The following NOTCH4 variants were observed in gnomAD, a reference collection of about 807,000 sequenced individuals.
The protein encoded by NOTCH4 is neurogenic locus notch homolog protein 4.
NOTCH4 carries 138 observed loss-of-function variants against 189.0 expected under a neutral mutation model. The observed-to-expected ratio is 0.73, with a 90% CI of 0.64 to 0.84. The LOEUF (loss-of-function observed/expected upper bound fraction) is 0.84, where lower values mean the gene tolerates loss of function less well. NOTCH4 is among the 40% of genes least tolerant of loss of function. The probability of loss-of-function intolerance (pLI) is 0.00; values close to 1 mark genes in which losing one functional copy is unlikely to be tolerated. For synonymous variants in NOTCH4, 942 were observed against 1,032.8 expected, an observed-to-expected ratio of 0.91 and a Z score of 1.69; for missense variants, 2,286 against 2,605.4, an observed-to-expected ratio of 0.88 and a Z score of 2.67.
At position 32,214,153 on chromosome 6, in the gene NOTCH4, G is replaced by A; in HGVS notation, c.2124C>T (p.Pro708=). ...APCAHGGTCY[P]QPSGYNCTCP... is the part of the protein sequence containing the mutation. The stretch of plus-strand genomic sequence containing the variant: ...AGGTGCAGTTGTAGCCAGAGGGCTG[G>A]GGGTAGCAGGTCCCCCCATGGGCAC... The change falls in exon 13 of 30, where the codon CCC becomes CCT. Residue 708 remains proline (P), a synonymous_variant. Coordinates refer to ENST00000375023, the MANE Select transcript of NOTCH4 (RefSeq NM_004557.4). The A allele has an allele frequency of 3.7e-6, 6 of 1,613,528 alleles. No homozygotes were observed. The highest frequency in any genetic ancestry group is 1.7e-5 in the Admixed American group (1 of 59,972).
chr6:32,222,217 A>G (rs1789822625), intron 3 of NOTCH4, among the ~76,000 whole-genome samples: 1 of 151,298 alleles, frequency 6.6e-6, no homozygotes, highest in African/African-American at 2.4e-5. Flanking sequence ...ACCCTCTTCT[A>G]GCTGCTAGGC....
At position 32,223,106 on chromosome 6, in the gene NOTCH4, C is replaced by T. The variant is rs374636775; in HGVS notation, c.74-20G>A. 24 of 1,600,292 alleles carry T rather than the reference C, an allele frequency of 1.5e-5. No homozygotes were observed. The highest frequency in any genetic ancestry group is 8.3e-5 in the Admixed American group (5 of 59,980). Reference sequence around the variant, plus strand: ...GCAGCCCTGAGGGTGGAGAGGCAGGCGCAATGGAAGCCCTGGGTGCTGTGC... The same window carrying T: ...GCAGCCCTGAGGGTGGAGAGGCAGGTGCAATGGAAGCCCTGGGTGCTGTGC... On this transcript the variant is annotated intron_variant, in intron 1 of 29. Transcript: ENST00000375023.
At chr6:32,196,870 C>G in intron 28 of NOTCH4, 55 bp downstream of exon 28, 1 of 1,599,962 alleles carries the variant, frequency 6.3e-7, no homozygotes, top group Non-Finnish European at 8.5e-7. Flanking sequence ...CACGCTATCT[C>G]CCACCCCATC....
chr6:32,212,491 T>A lies in NOTCH4; in HGVS notation c.2663A>T (p.Lys888Met). ...LCNLPLSSCQ[K>M]AALSQGIDVS... is the part of the protein sequence containing the mutation. ...TTGGTTACCTTGGCTCAGTGCAGCC[T>A]TCTGGCAGGAGGACAGTGGAAGGTT... The change falls in exon 17 of 30, where the codon AAG becomes ATG. Residue 888 changes from lysine (K) to methionine (M), a missense_variant. By Grantham distance (95) the Lys-to-Met change is moderately conservative. Transcript: ENST00000375023. This position sits in a 1 kb window ranked among gnomAD's most constrained non-coding sequence, Gnocchi z 4.4. 1 of 1,612,054 alleles carries A rather than the reference T, an allele frequency of 6.2e-7. No homozygotes were observed. Among genetic ancestry groups the A allele is most frequent in the Middle Eastern group, 1.7e-4 (1 of 6,054 alleles).
chr6:32,199,329 A>G lies in NOTCH4; in HGVS notation c.4316-184T>C, dbSNP rs1308240489. Among the ~76,000 whole-genome samples, 1 of 152,168 alleles carries G rather than the reference A, an allele frequency of 6.6e-6. No individual in the cohort carries two copies. The highest frequency in any genetic ancestry group is 1.5e-5 in the Non-Finnish European group (1 of 68,018). Reference sequence around the variant, plus strand: ...TGCCTGTAATCCCAGCACTTTGGGAAGCTGAGGCAGGTGGATCATATGAGG... The same window carrying G: ...TGCCTGTAATCCCAGCACTTTGGGAGGCTGAGGCAGGTGGATCATATGAGG... On this transcript the variant is annotated intron_variant, in intron 23 of 29. Coordinates refer to ENST00000375023, the MANE Select transcript of NOTCH4 (RefSeq NM_004557.4). The surrounding 1 kb of genome is among the most constrained non-coding windows in gnomAD (Gnocchi z 4.9).
chr6:32,213,018 G>T lies in NOTCH4; in HGVS notation c.2439-107C>A, dbSNP rs546317750. On this transcript the variant is annotated intron_variant, in intron 15 of 29. Coordinates refer to ENST00000375023, the MANE Select transcript of NOTCH4 (RefSeq NM_004557.4). ...ACCACAGGGAGGTGGCAAGCCAGGAGGGAAGGCGGAACGAGGTGTGGGGTG... is the reference window on the plus strand; with the variant it reads ...ACCACAGGGAGGTGGCAAGCCAGGATGGAAGGCGGAACGAGGTGTGGGGTG... 45 of 1,280,936 alleles carry T rather than the reference G, an allele frequency of 3.5e-5. No homozygotes were observed. In the African/African-American group the frequency reaches 6.3e-4, roughly 18 times the overall value. 79.3% of individuals were successfully genotyped at this position (1,280,936 alleles called of 1,614,324 possible). A position where few individuals can be genotyped will look rare whatever the true frequency, so the allele number is the denominator to read the frequency against.
rs1425736149 is a variant in NOTCH4, at chr6:32,199,159, CAG to C, written c.4316-16_4316-15del. ...TGGCAGGGGGTGCTGGTGGGAGAGA[CAG>C]AGTCACAAAGAGAGGCCACTCCTGG... On this transcript the variant is annotated splice_polypyrimidine_tract_variant and intron_variant, in intron 23 of 29. Transcript: ENST00000375023. This position sits in a 1 kb window ranked among gnomAD's most constrained non-coding sequence, Gnocchi z 4.9. 1.9e-6 allele frequency: 3 copies of C among 1,557,966 alleles called. No individual in the cohort carries two copies. Among genetic ancestry groups the C allele is most frequent in the Non-Finnish European group, 2.6e-6 (3 of 1,152,478 alleles).
At chr6:32,222,964 C>T (rs1466474318) in intron 2 of NOTCH4, 41 bp downstream of exon 2, 2 of 1,582,080 alleles carry the variant, frequency 1.3e-6, no homozygotes, top group South Asian at 2.2e-5. Context: ...CTCTCCCTCC[C>T]CCTTTCTCTC....
Position 32,201,717 on chromosome 6 carries a change from CT to C in NOTCH4, c.3756-218del. Reference sequence around the variant, plus strand: ...CCCTAGACTGTCCCCTCTCTGTACCCTCCCAAGCTCTCCTCTGTTTCTAAAG... The same window carrying C: ...CCCTAGACTGTCCCCTCTCTGTACCCCCCAAGCTCTCCTCTGTTTCTAAAG... On this transcript the variant is annotated intron_variant, in intron 21 of 29. Coordinates refer to ENST00000375023, the MANE Select transcript of NOTCH4 (RefSeq NM_004557.4). This position sits in a 1 kb window ranked among gnomAD's most constrained non-coding sequence, Gnocchi z 5.5. 2.3e-6 allele frequency: 1 copy of C among 428,328 alleles called. No individual in the cohort carries two copies. Among genetic ancestry groups the C allele is most frequent in the East Asian group, 3.5e-5 (1 of 28,792 alleles). 26.5% of individuals were successfully genotyped at this position (428,328 alleles called of 1,614,324 possible).
chr6:32,214,320 G>T (rs1789236861), intron 12 of NOTCH4, 65 bp from the exon 13 acceptor site: 2 of 1,558,766 alleles, frequency 1.3e-6, no homozygotes, highest in Non-Finnish European at 1.7e-6. Context: ...CCTCCCTGCT[G>T]CCTGGACCCC....
intron 11 of NOTCH4, chr6:32,216,029 AT>A (rs28359853): frequency 0.29 from 31,622 of 107,726 alleles, 3,668 homozygotes; most frequent in East Asian, 0.44. Flanking sequence ...TAATTTTTGT[AT>A]TTTTTTTTTT....
chr6:32,218,176 T>A lies in NOTCH4; in HGVS notation c.1511-68A>T, dbSNP rs534909816. The A allele has an allele frequency of 4.8e-6, 5 of 1,031,962 alleles. No homozygotes were observed. The African/African-American group carries it at 7.9e-5, about 16-fold the overall frequency. 63.9% of individuals were successfully genotyped at this position (1,031,962 alleles called of 1,614,324 possible). A position where few individuals can be genotyped will look rare whatever the true frequency, so the allele number is the denominator to read the frequency against. On this transcript the variant is annotated intron_variant, in intron 8 of 29. Transcript: ENST00000375023. Reference sequence around the variant, plus strand: ...TGCCTGGGAGACCTGTGTTCTAGAATCGGCCCTGCTCCTGACTTGCCCCAC... The same window carrying A: ...TGCCTGGGAGACCTGTGTTCTAGAAACGGCCCTGCTCCTGACTTGCCCCAC...
rs538754624 is a variant in NOTCH4, at chr6:32,201,327, T to G, written c.3929A>C (p.Gln1310Pro). 1 of 1,612,560 alleles carries G rather than the reference T, an allele frequency of 6.2e-7. No individual in the cohort carries two copies. Among genetic ancestry groups the G allele is most frequent in the Admixed American group, 1.7e-5 (1 of 59,956 alleles). The change falls in exon 22 of 30, where the codon CAG (glutamine) becomes CCG (proline). Residue 1310 changes from glutamine (Q) to proline (P), a missense_variant. By Grantham distance (76) the Gln-to-Pro change is moderately conservative (BLOSUM62 -1). Around this residue, in one of 2 missense-constraint regions of NOTCH4, gnomAD observed 1,903 missense variants for 2,261.9 expected, o/e 0.84. Coordinates refer to ENST00000375023, the MANE Select transcript of NOTCH4 (RefSeq NM_004557.4). This position sits in a 1 kb window ranked among gnomAD's most constrained non-coding sequence, Gnocchi z 5.5. ...LVVLSPPALD[Q>P]QLFALARVLS... ...CACCCGGGCCAGGGCAAACAGCTGCTGGTCTAGGGCTGGGGGGCTCAGTAC... is the reference window on the plus strand; with the variant it reads ...CACCCGGGCCAGGGCAAACAGCTGCGGGTCTAGGGCTGGGGGGCTCAGTAC...
intron 14 of NOTCH4, 52 bp downstream of exon 14, chr6:32,213,636 A>C (rs1789171797): frequency 1.3e-6 from 2 of 1,581,462 alleles, no homozygotes. Flanking sequence ...TACCCTCCTT[A>C]GTTCTTCCAT....
Position 32,215,230 on chromosome 6 carries a change from G to T in NOTCH4, c.2017C>A (p.Gln673Lys), listed in dbSNP as rs1231244111. ...GGAGGGTCTGGAAGATGTTACCTCT[G>T]GCAGTGCCCGTGGTGGCAGGTGCAG... ...DNCTCHHGHC[Q>K]RSSCVCDVGW... Residue 673 changes from glutamine (Q) to lysine (K), a missense_variant, in exon 12 of 30, where the codon CAG (glutamine) becomes AAG (lysine). Gln to Lys is a moderately conservative substitution (Grantham distance 53, BLOSUM62 1). Transcript: ENST00000375023. 2 of 1,597,584 alleles carry T rather than the reference G, an allele frequency of 1.3e-6. No homozygotes were observed. The highest frequency in any genetic ancestry group is 1.7e-6 in the Non-Finnish European group (2 of 1,173,492).
Position 32,221,344 on chromosome 6 carries a change from G to A in NOTCH4, c.452-19C>T, listed in dbSNP as rs2127489375. The A allele has an allele frequency of 1.3e-6, 2 of 1,593,926 alleles. No individual in the cohort carries two copies. The highest frequency in any genetic ancestry group is 1.1e-5 in the South Asian group (1 of 89,624). ...TGCTCACCTGAGGCAGAGGACAGAG[G>A]GAGCCGTTTCTAGCATTGTACGAAT... On this transcript the variant is annotated intron_variant, in intron 3 of 29. Coordinates refer to ENST00000375023, the MANE Select transcript of NOTCH4 (RefSeq NM_004557.4). This position sits in a 1 kb window ranked among gnomAD's most constrained non-coding sequence, Gnocchi z 4.3.
chr6:32,204,214 G>A lies in NOTCH4; in HGVS notation c.3041C>T (p.Pro1014Leu), dbSNP rs746106118. 7 of 1,613,018 alleles carry A rather than the reference G, an allele frequency of 4.3e-6. No homozygotes were observed. The highest frequency in any genetic ancestry group is 5.9e-6 in the Non-Finnish European group (7 of 1,180,008). Reference protein sequence around the residue: ...EGDVDECLDQPCHPTGTAACH... With the variant: ...EGDVDECLDQLCHPTGTAACH... ...GGCTGCAGTGCCTGTGGGGTGGCAGGGCTGGTCCAGACACTCGTCCACGTC... is the reference window on the plus strand; with the variant it reads ...GGCTGCAGTGCCTGTGGGGTGGCAGAGCTGGTCCAGACACTCGTCCACGTC... Residue 1014 changes from proline to leucine, a missense_variant, in exon 19 of 30, where the codon CCC (proline) becomes CTC (leucine). Physicochemically the swap from Pro to Leu is moderately conservative, Grantham distance 98 (BLOSUM62 -3). Transcript: ENST00000375023.
intron 7 of NOTCH4, 93 bp from the exon 8 acceptor site, chr6:32,219,879 G>A: frequency 9.0e-7 from 1 of 1,110,772 alleles, no homozygotes; most frequent in Non-Finnish European, 1.3e-6. Flanking sequence ...GCCTGCGTGT[G>A]GCAGACGAGA....
At chr6:32,197,712 T>C in intron 26 of NOTCH4, 118 bp from the exon 27 acceptor site, 1 of 902,496 alleles carries the variant, frequency 1.1e-6, no homozygotes, top group South Asian at 2.2e-5. Flanking sequence ...TCTGGCTCTG[T>C]GTGGCTTTAG....
Sources: gnomAD v4.1 joint callset for allele counts (sites outside exome capture counted in the v4.1 genomes callset) on GRCh38, gnomAD v4.1.1 for gene constraint, gnomAD v4.1.1 regional missense constraint, Gnocchi (gnomAD v3.1) non-coding constraint, MANE v1.5 for transcripts, NCBI Gene and HGNC (gene_info 2026-07-23, HGNC 2026-07-21) for gene names.